LRP1: variants seen among roughly 807,000 people sequenced by gnomAD.
LRP1 encodes prolow-density lipoprotein receptor-related protein 1.
A neutral mutation model predicts 541.5 loss-of-function variants in LRP1; 51 were observed. The observed-to-expected ratio is 0.09, with a 90% CI of 0.08 to 0.12. The LOEUF (loss-of-function observed/expected upper bound fraction) is 0.12. Among genes scored for constraint, LRP1 ranks in the 10% least tolerant of loss-of-function variants. The pLI is 1.00. For missense variants in LRP1, 3,878 were observed against 6,376.2 expected, an observed-to-expected ratio of 0.61 and a Z score of 13.34; for synonymous variants, 2,219 against 2,470.8, an observed-to-expected ratio of 0.90 and a Z score of 3.02.
intron 6 of LRP1, chr12:57,149,592 A>G: frequency 1.4e-6 from 1 of 701,682 alleles, no homozygotes; most frequent in Non-Finnish European, 2.6e-6. Context: ...TCCAGGCATC[A>G]TCCCTGGGAT....
At position 57,175,997 on chromosome 12, in the gene LRP1, C is replaced by T. The variant is rs566821921; in HGVS notation, c.3882C>T (p.Pro1294=). The T allele has an allele frequency of 3.5e-5, 57 of 1,614,182 alleles. No homozygotes were observed. In the South Asian group the frequency reaches 5.3e-4, roughly 15 times the overall value. ...LHKGDYSVLV[P]GLRNTIALDF... is the part of the protein sequence containing the mutation. ...AAGGAGACTACAGCGTCCTGGTGCC[C>T]GGCCTGCGCAACACCATCGCCCTGG... The change falls in exon 24 of 89, where the codon CCC becomes CCT. Residue 1294 remains proline (P), a synonymous_variant. Coordinates refer to ENST00000243077, the MANE Select transcript of LRP1 (RefSeq NM_002332.3).
Position 57,156,417 on chromosome 12 carries a change from C to A in LRP1, c.1417+134C>A. 1.0e-6 allele frequency: 1 copy of A among 965,964 alleles called. No homozygotes were observed. The highest frequency in any genetic ancestry group is 1.5e-6 in the Non-Finnish European group (1 of 669,780). 59.8% of individuals were successfully genotyped at this position (965,964 alleles called of 1,614,324 possible). A position where few individuals can be genotyped will look rare whatever the true frequency, so the allele number is the denominator to read the frequency against. On this transcript the variant is annotated intron_variant, in intron 9 of 88. Transcript: ENST00000243077. The surrounding 1 kb of genome is among the most constrained non-coding windows in gnomAD (Gnocchi z 5.2). ...TTCATGTCATGACCGATTCTCCTAG[C>A]CAGCCACTCGGGCTACCTGCCCTGG...
chr12:57,187,910 G>C (rs1476549715), intron 42 of LRP1, among the ~76,000 whole-genome samples: 3 of 152,244 alleles, frequency 2.0e-5, no homozygotes, highest in Non-Finnish European at 4.4e-5. Flanking sequence ...CTGTATACGG[G>C]TGACCACAGG....
Position 57,203,414 on chromosome 12 carries a change from T to C in LRP1, c.10844T>C (p.Met3615Thr), listed in dbSNP as rs1485659035. The change falls in exon 70 of 89, where the codon ATG becomes ACG. Residue 3615 changes from methionine (M) to threonine (T), a missense_variant. Around this residue, in one of 13 missense-constraint regions of LRP1, gnomAD observed 278 missense variants for 536.3 expected, o/e 0.52. Transcript: ENST00000243077. Reference sequence around the variant, plus strand: ...AAAGACTGCACCCCCCGCTGTGACATGGACCAGTTCCAGTGCAAGAGCGGC... The same window carrying C: ...AAAGACTGCACCCCCCGCTGTGACACGGACCAGTTCCAGTGCAAGAGCGGC... ...DEKDCTPRCDMDQFQCKSGHC... is the reference protein window; with the variant it reads ...DEKDCTPRCDTDQFQCKSGHC... 1 of 1,609,694 alleles carries C rather than the reference T, an allele frequency of 6.2e-7. No homozygotes were observed. The highest frequency in any genetic ancestry group is 1.7e-5 in the Admixed American group (1 of 59,798).
intron 31 of LRP1, 59 bp downstream of exon 31, chr12:57,180,200 T>C (rs2036135619): frequency 1.3e-6 from 2 of 1,584,764 alleles, no homozygotes; most frequent in African/African-American, 2.7e-5. Flanking sequence ...CAGCAGGTGC[T>C]TGCAGGGTCC....
At chr12:57,172,091 CCTCT>C (rs2035956091) in intron 20 of LRP1, among the ~76,000 whole-genome samples, 1 of 150,202 alleles carries the variant, frequency 6.7e-6, no homozygotes, top group African/African-American at 2.4e-5. Context: ...ATGGAGTCTC[CCTCT>C]GTCGCTCAGG....
rs1209873103 is a variant in LRP1, at chr12:57,201,758, C to A, written c.10469-22C>A. 6.2e-7 allele frequency: 1 copy of A among 1,613,314 alleles called. No individual in the cohort carries two copies. Among genetic ancestry groups the A allele is most frequent in the Non-Finnish European group, 8.5e-7 (1 of 1,179,664 alleles). On this transcript the variant is annotated intron_variant, in intron 66 of 88. Transcript: ENST00000243077. This position sits in a 1 kb window ranked among gnomAD's most constrained non-coding sequence, Gnocchi z 6.4. ...ACTCCTGGAAGGAGTCTCATCCTCA[C>A]CCCATGCCCACCCGCTTGCAGCCCA...
chr12:57,149,890 GGC>G, intron 6 of LRP1: 1 of 638,770 alleles, frequency 1.6e-6, no homozygotes, highest in South Asian at 1.8e-5. Context: ...CCCAGGCCCA[GGC>G]GAGATCCCTG....
chr12:57,134,247 T>C (rs1429741779), intron 1 of LRP1, among the ~76,000 whole-genome samples: 2 of 151,812 alleles, frequency 1.3e-5, no homozygotes, highest in African/African-American at 4.8e-5. Context: ...ACTCGCTCTC[T>C]CTCCTTCCTC....
In LRP1 at chr12:57,177,705, C is replaced by T. The variant is rs776866437; in HGVS notation, c.4361+114C>T. 1.3e-4 allele frequency: 158 copies of T among 1,261,478 alleles called. No individual in the cohort carries two copies. Among genetic ancestry groups the T allele is most frequent in the Non-Finnish European group, 1.5e-4 (141 of 913,154 alleles). The allele number at this position is 1,261,478 out of a possible 1,614,324, so 78.1% of individuals were successfully genotyped here. On this transcript the variant is annotated intron_variant, in intron 26 of 88. Transcript: ENST00000243077. This position sits in a 1 kb window ranked among gnomAD's most constrained non-coding sequence, Gnocchi z 6.8. ...GGACCAAGGGATCTAGAACTAGGAA[C>T]GGTGGCAAAGGACTGGGCACAGGAG...
Position 57,173,437 on chromosome 12 carries a change from T to TG in LRP1, c.3346+89dup. 7.1e-7 allele frequency: 1 copy of TG among 1,406,164 alleles called. No individual in the cohort carries two copies. The highest frequency in any genetic ancestry group is 9.8e-7 in the Non-Finnish European group (1 of 1,021,168). 87.1% of individuals were successfully genotyped at this position (1,406,164 alleles called of 1,614,324 possible). A position where few individuals can be genotyped will look rare whatever the true frequency, so the allele number is the denominator to read the frequency against. On this transcript the variant is annotated intron_variant, in intron 21 of 88. Coordinates refer to ENST00000243077, the MANE Select transcript of LRP1 (RefSeq NM_002332.3). The surrounding 1 kb of genome is among the most constrained non-coding windows in gnomAD (Gnocchi z 4.7). ...GAGAGCAGAGTAGCGGCAAAGGGGA[T>TG]GGCACTGTGCTGTGTGGAGTGGTGC...
At position 57,190,933 on chromosome 12, in the gene LRP1, G is replaced by T; in HGVS notation, c.7160G>T (p.Arg2387Leu). 6.2e-7 allele frequency: 1 copy of T among 1,613,362 alleles called. No individual in the cohort carries two copies. Among genetic ancestry groups the T allele is most frequent in the South Asian group, 1.1e-5 (1 of 91,092 alleles). The change falls in exon 43 of 89, where the codon CGT becomes CTT. Residue 2387 changes from arginine to leucine, a missense_variant. By Grantham distance (102) the Arg-to-Leu change is moderately radical (BLOSUM62 -2). This residue lies in a region of LRP1 where 1,100 missense variants were observed against 1,827.4 expected (regional missense o/e 0.60). Transcript: ENST00000243077. ...CCCAATGGCCTGGCCATCGACCACC[G>T]TGCCGAGAAGCTCTACTTCTCTGAC... is the stretch of plus-strand genomic sequence containing the variant. ...RTPNGLAIDHRAEKLYFSDAT... is the reference protein window; with the variant it reads ...RTPNGLAIDHLAEKLYFSDAT...
At chr12:57,161,176 T>G (rs759208507) in intron 13 of LRP1, 61 bp downstream of exon 13, 18 of 1,526,726 alleles carry the variant, frequency 1.2e-5, no homozygotes, top group Non-Finnish European at 1.3e-5. Context: ...TGCTTGGGCG[T>G]GGATGAGGTT....
At chr12:57,144,223 C>T (rs892943035) in intron 4 of LRP1, among the ~76,000 whole-genome samples, 4 of 152,094 alleles carry the variant, frequency 2.6e-5, no homozygotes, top group South Asian at 2.1e-4. Context: ...AAGAGTACTG[C>T]GTGCTCTTTT....
Position 57,205,259 on chromosome 12 carries a change from G to T in LRP1, c.11335+10G>T. ...GAGGACTGCAGCATCGGTGAGGCCC[G>T]GCAGCGGACCGGACGCTGGTGGGGA... On this transcript the variant is annotated intron_variant, in intron 73 of 88. Coordinates refer to ENST00000243077, the MANE Select transcript of LRP1 (RefSeq NM_002332.3). The surrounding 1 kb of genome is among the most constrained non-coding windows in gnomAD (Gnocchi z 4.6). 6.2e-7 allele frequency: 1 copy of T among 1,607,130 alleles called. No individual in the cohort carries two copies. The highest frequency in any genetic ancestry group is 8.5e-7 in the Non-Finnish European group (1 of 1,175,370).
In LRP1 at chr12:57,205,799, C is replaced by A. The variant is rs35785315; in HGVS notation, c.11590+122C>A. ...TCTTGCCCAGACAAGAAGCCCCAGA[C>A]TCATAGTTGCAGCTGCCTGAGCACA... On this transcript the variant is annotated intron_variant, in intron 75 of 88. Coordinates refer to ENST00000243077, the MANE Select transcript of LRP1 (RefSeq NM_002332.3). The surrounding 1 kb of genome is among the most constrained non-coding windows in gnomAD (Gnocchi z 4.6). 7.1e-7 allele frequency: 1 copy of A among 1,407,850 alleles called. No homozygotes were observed. The highest frequency in any genetic ancestry group is 9.5e-7 in the Non-Finnish European group (1 of 1,047,826). 87.2% of individuals were successfully genotyped at this position (1,407,850 alleles called of 1,614,324 possible). A position where few individuals can be genotyped will look rare whatever the true frequency, so the allele number is the denominator to read the frequency against.
Position 57,144,972 on chromosome 12 carries a change from A to G in LRP1, c.449A>G (p.Asp150Gly). 6.2e-7 allele frequency: 1 copy of G among 1,613,640 alleles called. No homozygotes were observed. The highest frequency in any genetic ancestry group is 8.5e-7 in the Non-Finnish European group (1 of 1,179,624). Residue 150 changes from aspartate (D) to glycine (G), a missense_variant and splice_region_variant, in exon 5 of 89, where the codon GAT becomes GGT. Asp to Gly is a moderately conservative substitution (Grantham distance 94). Transcript: ENST00000243077. ...QLQADGKTCK[D>G]FDECSVYGTC... ...CACATTCTTGCCCTTTCCTCGGCAG[A>G]TTTTGATGAGTGCTCAGTGTACGGC... is the stretch of plus-strand genomic sequence containing the variant.
At chr12:57,172,415 C>T (rs567697476) in intron 20 of LRP1, among the ~76,000 whole-genome samples, 9 of 152,278 alleles carry the variant, frequency 5.9e-5, no homozygotes, top group Admixed American at 4.6e-4. Context: ...GTGATCCGCC[C>T]GCCTTGGCAT....
Position 57,176,043 on chromosome 12 carries a change from G to A in LRP1, c.3928G>A (p.Ala1310Thr), listed in dbSNP as rs758636360. ...IALDFHLSQS[A>T]LYWTDVVEDK... ...CCTGGACTTCCACCTCAGCCAGAGCGCCCTCTACTGGACCGACGTGGTGGA... is the reference window on the plus strand; with the variant it reads ...CCTGGACTTCCACCTCAGCCAGAGCACCCTCTACTGGACCGACGTGGTGGA... The change falls in exon 24 of 89, where the codon GCC becomes ACC. Residue 1310 changes from alanine to threonine, a missense_variant. By Grantham distance (58) the Ala-to-Thr change is moderately conservative (BLOSUM62 0). Transcript: ENST00000243077. 1.1e-5 allele frequency: 18 copies of A among 1,614,062 alleles called. No homozygotes were observed. Among genetic ancestry groups the A allele is most frequent in the East Asian group, 2.2e-5 (1 of 44,896 alleles).
Sources: gnomAD v4.1 joint callset for allele counts (sites outside exome capture counted in the v4.1 genomes callset) on GRCh38, gnomAD v4.1.1 for gene constraint, gnomAD v4.1.1 regional missense constraint, Gnocchi (gnomAD v3.1) non-coding constraint, MANE v1.5 for transcripts, NCBI Gene and HGNC (gene_info 2026-07-23, HGNC 2026-07-21) for gene names.